UBR3: variants seen among roughly 807,000 people sequenced by gnomAD.
The protein encoded by UBR3 is E3 ubiquitin-protein ligase UBR3.
In UBR3, 85 loss-of-function variants were observed where a neutral mutation model predicts 243.2. That is an observed-to-expected ratio of 0.35 (90% CI 0.29 to 0.42). UBR3 has a LOEUF of 0.42. Ranked by LOEUF, UBR3 falls within the 10% of genes least tolerant of loss-of-function variation. The probability of loss-of-function intolerance (pLI) is 1.00; values close to 1 mark genes in which losing one functional copy is unlikely to be tolerated. For missense variants in UBR3, 1,686 were observed against 2,300.8 expected (o/e 0.73, Z 5.47); for synonymous variants, 748 against 799.8 (o/e 0.94, Z 1.09).
intron 19 of UBR3, among the ~76,000 whole-genome samples, chr2:169,934,274 G>A (rs974105972): frequency 6.6e-6 from 1 of 152,070 alleles, no homozygotes; most frequent in African/African-American, 2.4e-5. Flanking sequence ...GTCTTAAATG[G>A]CTCTGCCTTT....
At chr2:169,885,249 C>T (rs1330602200) in intron 5 of UBR3, among the ~76,000 whole-genome samples, 1 of 152,096 alleles carries the variant, frequency 6.6e-6, no homozygotes, top group Non-Finnish European at 1.5e-5. Context: ...TGGACAATGA[C>T]ATTTTAATTA....
chr2:169,991,784 G>A (rs1398409317), intron 25 of UBR3, among the ~76,000 whole-genome samples: 1 of 152,004 alleles, frequency 6.6e-6, no homozygotes, highest in Non-Finnish European at 1.5e-5. Flanking sequence ...GGGTTTCACT[G>A]TGTTAGCCAG....
chr2:169,932,959 A>G lies in UBR3; in HGVS notation c.2614A>G (p.Thr872Ala). The change falls in exon 19 of 39, where the codon ACA becomes GCA. Residue 872 changes from threonine (T) to alanine (A), a missense_variant. Transcript: ENST00000272793. ...TGACCCCGTCATGGTCATTCTTCGA[A>G]CAGTTTACCGTAGAGATGTGCAGTC... ...EFDPVMVILR[T>A]VYRRDVQSAM... 3.9e-6 allele frequency: 6 copies of G among 1,541,240 alleles called. No homozygotes were observed. The highest frequency in any genetic ancestry group is 5.2e-6 in the Non-Finnish European group (6 of 1,144,488).
At chr2:169,861,434 C>T (rs568890432) in intron 1 of UBR3, among the ~76,000 whole-genome samples, 1 of 152,010 alleles carries the variant, frequency 6.6e-6, no homozygotes, top group African/African-American at 2.4e-5. Flanking sequence ...ATGGTGAAAC[C>T]CCGTCTCTAC....
At chr2:169,938,306 G>C (rs1419751029) in intron 19 of UBR3, among the ~76,000 whole-genome samples, 2 of 139,808 alleles carry the variant, frequency 1.4e-5, no homozygotes, top group African/African-American at 2.7e-5. Flanking sequence ...CTGTCACTCT[G>C]TTGCCCAGGC....
Position 169,958,459 on chromosome 2 carries a change from G to A in UBR3, c.3567G>A (p.Arg1189=), listed in dbSNP as rs1440176172. 6 of 1,613,000 alleles carry A rather than the reference G, an allele frequency of 3.7e-6. No individual in the cohort carries two copies. The highest frequency in any genetic ancestry group is 4.2e-6 in the Non-Finnish European group (5 of 1,179,358). ...CTAGGCGACAGAAGGCTAGAGAGAG[G>A]CAGCAGAAATTGCTTGCGGAGTTTG... The part of the protein sequence containing the change: ...KEERRQKARE[R]QQKLLAEFAS... Residue 1189 remains arginine (R), a synonymous_variant, in exon 24 of 39, where the codon AGG becomes AGA. Transcript: ENST00000272793.
At chr2:170,078,720 C>G (rs2091857898) in intron 36 of UBR3, among the ~76,000 whole-genome samples, 1 of 152,184 alleles carries the variant, frequency 6.6e-6, no homozygotes, top group Non-Finnish European at 1.5e-5. Context: ...CATCTCTCTT[C>G]ATGAGGGAAA....
intron 27 of UBR3, among the ~76,000 whole-genome samples, chr2:170,003,592 A>G (rs1357817045): frequency 1.3e-5 from 2 of 152,064 alleles, no homozygotes. Context: ...CGTAAGAGAG[A>G]CAAGCAAACA....
chr2:169,832,533 C>T (rs560888739), intron 1 of UBR3, among the ~76,000 whole-genome samples: 1 of 151,686 alleles, frequency 6.6e-6, no homozygotes, highest in Admixed American at 6.6e-5. Context: ...CGCCACTGCA[C>T]TCCAGCCTGG....
chr2:170,067,770 A>AT (rs36071079), intron 35 of UBR3, among the ~76,000 whole-genome samples: 36,303 of 138,304 alleles, frequency 0.26, 5,882 homozygotes, highest in Non-Finnish European at 0.37. Context: ...CAAGGAAATA[A>AT]TTTTTTTTTT....
chr2:170,037,182 T>C (rs1326982284), intron 31 of UBR3, among the ~76,000 whole-genome samples: 1 of 152,138 alleles, frequency 6.6e-6, no homozygotes, highest in African/African-American at 2.4e-5. Context: ...GATTAGGAGC[T>C]TTCTTCTTTG....
In UBR3 at chr2:169,827,605, C is replaced by G. The variant is rs1219521643; in HGVS notation, c.98C>G (p.Ala33Gly). Residue 33 changes from alanine to glycine, a missense_variant, in exon 1 of 39, where the codon GCG becomes GGG. Ala to Gly is a moderately conservative substitution (Grantham distance 60). Transcript: ENST00000272793. ...GCCCTAGACAAGGCGGCCACCGCCG[C>G]GCACCTCAAGGCGGCCCTCAGCCGG... ...GLALDKAATA[A>G]HLKAALSRPD... 1.3e-5 allele frequency: 16 copies of G among 1,260,888 alleles called. No individual in the cohort carries two copies. The highest frequency in any genetic ancestry group is 1.6e-5 in the Non-Finnish European group (16 of 1,003,840). The allele number at this position is 1,260,888 out of a possible 1,614,324, so 78.1% of individuals were successfully genotyped here.
intron 1 of UBR3, among the ~76,000 whole-genome samples, chr2:169,865,685 T>C (rs973946015): frequency 6.6e-6 from 1 of 152,234 alleles, no homozygotes; most frequent in Non-Finnish European, 1.5e-5. Flanking sequence ...ATTCTTTTAT[T>C]GCATCCTTCA....
intron 27 of UBR3, 124 bp from the exon 28 acceptor site, chr2:170,006,866 T>C (rs1377200756): frequency 5.0e-6 from 4 of 795,212 alleles, no homozygotes; most frequent in Non-Finnish European, 7.8e-6. Context: ...GTTTATTTCT[T>C]TATGACATAT....
intron 5 of UBR3, among the ~76,000 whole-genome samples, chr2:169,890,540 G>GATAGATATATATAT (rs1256571755): frequency 1.3e-5 from 1 of 76,020 alleles, no homozygotes; most frequent in African/African-American, 6.4e-5. Flanking sequence ...GAGAGAGAGA[G>GATAGATATATATAT]ATATATATAT....
chr2:169,940,680 C>T (rs1165300174), intron 19 of UBR3, among the ~76,000 whole-genome samples: 3 of 152,052 alleles, frequency 2.0e-5, no homozygotes, highest in African/African-American at 4.8e-5. Flanking sequence ...ATGTTAATAT[C>T]CTTTACTATG....
chr2:170,047,196 G>C (rs923531613), intron 32 of UBR3, among the ~76,000 whole-genome samples: 1 of 150,774 alleles, frequency 6.6e-6, no homozygotes, highest in South Asian at 2.1e-4. Context: ...GCGGTGTCGG[G>C]GGGGGGGTCT....
chr2:169,937,710 G>A (rs572818785), intron 19 of UBR3, among the ~76,000 whole-genome samples: 4 of 152,276 alleles, frequency 2.6e-5, no homozygotes, highest in African/African-American at 9.6e-5. Flanking sequence ...TTTCAAGTTA[G>A]AGGCATTCCC....
intron 36 of UBR3, among the ~76,000 whole-genome samples, chr2:170,076,111 A>G (rs1384481550): frequency 6.6e-6 from 1 of 152,178 alleles, no homozygotes. Flanking sequence ...GATTCCTGGG[A>G]GAGAGAATCT....
Sources: gnomAD v4.1 joint callset for allele counts (sites outside exome capture counted in the v4.1 genomes callset) on GRCh38, gnomAD v4.1.1 for gene constraint, MANE v1.5 for transcripts, NCBI Gene and HGNC (gene_info 2026-07-23, HGNC 2026-07-21) for gene names.